MYLK3: variants seen among roughly 807,000 people sequenced by gnomAD.
MYLK3 encodes the protein myosin light chain kinase 3.
MYLK3 carries 55 observed loss-of-function variants against 76.3 expected under a neutral mutation model. The observed-to-expected ratio is 0.72, with a 90% CI of 0.58 to 0.90. MYLK3 has a LOEUF of 0.90. Among genes scored for constraint, MYLK3 ranks in the 40% least tolerant of loss-of-function variants. The probability of loss-of-function intolerance (pLI) is 0.00; values close to 1 mark genes in which losing one functional copy is unlikely to be tolerated. For synonymous variants in MYLK3, 416 were observed against 425.4 expected, an observed-to-expected ratio of 0.98 and a Z score of 0.27; for missense variants, 973 against 1,053.6, an observed-to-expected ratio of 0.92 and a Z score of 1.06.
intron 1 of MYLK3, among the ~76,000 whole-genome samples, chr16:46,742,447 A>AACACACACACACACAC (rs57671045): frequency 7.3e-4 from 96 of 131,178 alleles, no homozygotes; most frequent in African/African-American, 2.5e-3. Flanking sequence ...TCCCAGCAAA[A>AACACACACACACACAC]ACACACACAC....
Position 46,732,498 on chromosome 16 carries a change from T to A in MYLK3, c.1172A>T (p.Glu391Val). 1.2e-6 allele frequency: 2 copies of A among 1,607,634 alleles called. No individual in the cohort carries two copies. Reference protein sequence around the residue: ...CLQAPGTEPGEQTPEGARELS... With the variant: ...CLQAPGTEPGVQTPEGARELS... ...CTCTCTGGCTCCTTCAGGGGTCTGT[T>A]CTCCGGGCTCAGTCCCAGGGGCTTG... is the stretch of plus-strand genomic sequence containing the variant. Residue 391 changes from glutamate to valine, a missense_variant, in exon 4 of 13, where the codon GAA becomes GTA. Physicochemically the swap from Glu to Val is moderately radical, Grantham distance 121 (BLOSUM62 -2). This residue lies in a region of MYLK3 where 641 missense variants were observed against 637.0 expected (regional missense o/e 1.01). Transcript: ENST00000394809.
intron 1 of MYLK3, among the ~76,000 whole-genome samples, chr16:46,758,420 A>G (rs907213901): frequency 1.3e-5 from 2 of 151,884 alleles, no homozygotes; most frequent in African/African-American, 4.8e-5. Flanking sequence ...ACGCACTCAC[A>G]GCCCCTGCGC....
At chr16:46,757,678 G>A (rs1967218472) in intron 1 of MYLK3, 1 of 893,148 alleles carries the variant, frequency 1.1e-6, no homozygotes, top group Admixed American at 6.2e-5. Context: ...CTCTGACCCT[G>A]TCCAGGCCCC....
rs780676112 is a variant in MYLK3 at position 46,712,766 on chromosome 16, G to A, written c.1996C>T (p.Arg666Ter). 8.8e-6 allele frequency: 14 copies of A among 1,597,966 alleles called. No individual in the cohort carries two copies. The highest frequency in any genetic ancestry group is 6.8e-5 in the African/African-American group (5 of 74,052). Reference sequence around the variant, plus strand: ...CCGAAGTTCACCTTCAGCTTCTCTCGAGGCTTGTACCTGGGGAGAAGGGGA... The same window carrying A: ...CCGAAGTTCACCTTCAGCTTCTCTCAAGGCTTGTACCTGGGGAGAAGGGGA... Reference protein sequence around the residue: ...DFGLARRYKPREKLKVNFGTP... With the variant: ...DFGLARRYKP Residue 666 changes from arginine (R) to a stop codon, truncating the protein, a stop_gained, in exon 10 of 13, where the codon CGA becomes TGA. Coordinates refer to ENST00000394809, the MANE Select transcript of MYLK3 (RefSeq NM_182493.3). LOFTEE classifies it high-confidence loss of function.
chr16:46,718,260 G>C (rs879397251), intron 9 of MYLK3, among the ~76,000 whole-genome samples: 1 of 152,176 alleles, frequency 6.6e-6, no homozygotes, highest in Non-Finnish European at 1.5e-5. Context: ...CATGTGGGAG[G>C]CATCTGAATT....
chr16:46,760,561 A>C (rs929167646), intron 1 of MYLK3, among the ~76,000 whole-genome samples: 1 of 152,188 alleles, frequency 6.6e-6, no homozygotes. Context: ...CGCTAACTGC[A>C]AGGTGCAGGG....
chr16:46,743,041 C>A (rs1373226493), intron 1 of MYLK3, among the ~76,000 whole-genome samples: 1 of 152,328 alleles, frequency 6.6e-6, no homozygotes, highest in Admixed American at 6.5e-5. Flanking sequence ...GCACCCCCCA[C>A]CCCCAGCTGG....
At chr16:46,755,435 G>A (rs1416585668) in intron 1 of MYLK3, among the ~76,000 whole-genome samples, 1 of 150,872 alleles carries the variant, frequency 6.6e-6, no homozygotes, top group Non-Finnish European at 1.5e-5. Flanking sequence ...TCCAGCCTGG[G>A]TGACAAGAGT....
At chr16:46,719,239 A>T (rs926122293) in intron 9 of MYLK3, among the ~76,000 whole-genome samples, 11 of 151,656 alleles carry the variant, frequency 7.3e-5, no homozygotes, top group Non-Finnish European at 1.0e-4. Context: ...AGGCAGGAGA[A>T]TTGCTTGAAT....
intron 9 of MYLK3, among the ~76,000 whole-genome samples, chr16:46,714,577 C>G (rs887399194): frequency 6.6e-6 from 1 of 152,212 alleles, no homozygotes; most frequent in Non-Finnish European, 1.5e-5. Flanking sequence ...AAGGGAAGAG[C>G]CTTCCCCTCA....
Position 46,732,519 on chromosome 16 carries a change from G to T in MYLK3, c.1151C>A (p.Ala384Asp), listed in dbSNP as rs1212134576. ...GPPGTGRCLQ[A>D]PGTEPGEQTP... Reference sequence around the variant, plus strand: ...CTGTTCTCCGGGCTCAGTCCCAGGGGCTTGGAGGCAGCGCCCGGTCCCAGG... The same window carrying T: ...CTGTTCTCCGGGCTCAGTCCCAGGGTCTTGGAGGCAGCGCCCGGTCCCAGG... Residue 384 changes from alanine (A) to aspartate (D), a missense_variant, in exon 4 of 13, where the codon GCC becomes GAC. Around this residue, in one of 2 missense-constraint regions of MYLK3, gnomAD observed 641 missense variants for 637.0 expected, o/e 1.01. Coordinates refer to ENST00000394809, the MANE Select transcript of MYLK3 (RefSeq NM_182493.3). 6 of 1,605,336 alleles carry T rather than the reference G, an allele frequency of 3.7e-6. No homozygotes were observed. The highest frequency in any genetic ancestry group is 5.1e-6 in the Non-Finnish European group (6 of 1,179,864).
At chr16:46,723,417 A>T (rs2143013950) in intron 8 of MYLK3, among the ~76,000 whole-genome samples, 1 of 152,178 alleles carries the variant, frequency 6.6e-6, no homozygotes, top group East Asian at 1.9e-4. Context: ...TGGGTTGTTT[A>T]CACTTTTGGC....
At chr16:46,724,720 T>C (rs1966832524) in intron 8 of MYLK3, among the ~76,000 whole-genome samples, 1 of 152,224 alleles carries the variant, frequency 6.6e-6, no homozygotes, top group East Asian at 1.9e-4. Flanking sequence ...AGTTTCAAAA[T>C]TGGGAAAAGT....
chr16:46,739,782 A>G (rs1288775179), intron 2 of MYLK3, among the ~76,000 whole-genome samples: 2 of 152,236 alleles, frequency 1.3e-5, no homozygotes, highest in African/African-American at 4.8e-5. Flanking sequence ...ATTTTGGAAG[A>G]TTCAAAAATT....
chr16:46,750,324 T>C (rs568614407), upstream of MYLK3, among the ~76,000 whole-genome samples: 4 of 152,342 alleles, frequency 2.6e-5, no homozygotes, highest in South Asian at 4.1e-4. Flanking sequence ...GACCCTGGTC[T>C]CTGGAGGAGA....
chr16:46,752,048 A>G (rs1051739092), upstream of MYLK3, among the ~76,000 whole-genome samples: 3 of 152,118 alleles, frequency 2.0e-5, no homozygotes, highest in African/African-American at 7.2e-5. Flanking sequence ...AGCAAATACA[A>G]TAACCCCTTG....
In MYLK3 at chr16:46,748,146, C is replaced by T. The variant is rs774256688; in HGVS notation, c.48G>A (p.Gly16=). The T allele has an allele frequency of 3.7e-6, 6 of 1,614,080 alleles. No homozygotes were observed. The highest frequency in any genetic ancestry group is 5.1e-6 in the Non-Finnish European group (6 of 1,180,026). ...KESLGHGGLP[G]LGKTCLTTMD... ...TGGTTGTTAAGCAGGTCTTGCCCAA[C>T]CCTGGCAGCCCCCCATGCCCCAGAC... Residue 16 remains glycine (G), a synonymous_variant, in exon 1 of 13, where the codon GGG becomes GGA. Coordinates refer to ENST00000394809, the MANE Select transcript of MYLK3 (RefSeq NM_182493.3). This position sits in a 1 kb window ranked among gnomAD's most constrained non-coding sequence, Gnocchi z 4.3.
In MYLK3 at chr16:46,732,331, G is replaced by C; in HGVS notation, c.1339C>G (p.Gln447Glu). 1 of 1,612,736 alleles carries C rather than the reference G, an allele frequency of 6.2e-7. No individual in the cohort carries two copies. Among genetic ancestry groups the C allele is most frequent in the Non-Finnish European group, 8.5e-7 (1 of 1,180,032 alleles). ...TTTCCCGCCCCTGGGCTTTTGCCCT[G>C]CTGCAGGCCCAGGGCCCCAACCTCG... ...DHEVGALGLQ[Q>E]GKSPGAGNPE... Residue 447 changes from glutamine to glutamate, a missense_variant, in exon 4 of 13, where the codon CAG becomes GAG. By Grantham distance (29) the Gln-to-Glu change is conservative. Coordinates refer to ENST00000394809, the MANE Select transcript of MYLK3 (RefSeq NM_182493.3).
chr16:46,702,925 GA>G lies in MYLK3; in HGVS notation c.*4778del, dbSNP rs1193027604. On this transcript the variant is annotated 3_prime_UTR_variant, in exon 13 of 13. Coordinates refer to ENST00000394809, the MANE Select transcript of MYLK3 (RefSeq NM_182493.3). ...ACAGAGTGAGACTCCATCTTGGAAA[GA>G]AAAAAAAAAAAAGGAATACATGCTC... is the stretch of plus-strand genomic sequence containing the variant. Among the ~76,000 whole-genome samples, 1,098 of 73,570 alleles carry G rather than the reference GA, an allele frequency of 0.015. 20 individuals carry two copies. Among genetic ancestry groups the G allele is most frequent in the African/African-American group, 0.051 (967 of 18,818 alleles). 48.3% of individuals were successfully genotyped at this position (73,570 alleles called of 152,430 possible). A position where few individuals can be genotyped will look rare whatever the true frequency, so the allele number is the denominator to read the frequency against.
Sources: allele counts gnomAD v4.1 joint callset (sites outside exome capture counted in the v4.1 genomes callset), GRCh38; gene constraint gnomAD v4.1.1; regional missense constraint gnomAD v4.1.1; non-coding constraint Gnocchi (gnomAD v3.1); transcripts MANE v1.5; gene names NCBI Gene and HGNC (gene_info 2026-07-23, HGNC 2026-07-21).